Variants in FBXL7 observed in about 807,000 individuals in gnomAD.
FBXL7 encodes the protein F-box and leucine rich repeat protein 7.
A neutral mutation model predicts 38.3 loss-of-function variants in FBXL7; 12 were observed. That is an observed-to-expected ratio of 0.31 (90% CI 0.20 to 0.51). FBXL7 has a LOEUF of 0.51. Ranked by LOEUF, FBXL7 falls within the 20% of genes least tolerant of loss-of-function variation. The pLI is 0.98. For synonymous variants in FBXL7, 297 were observed against 300.9 expected, an observed-to-expected ratio of 0.99 and a Z score of 0.13; for missense variants, 567 against 676.4, an observed-to-expected ratio of 0.84 and a Z score of 1.79.
chr5:15,539,111 C>G (rs1366693338), intron 1 of FBXL7, among the ~76,000 whole-genome samples: 1 of 152,206 alleles, frequency 6.6e-6, no homozygotes, highest in Non-Finnish European at 1.5e-5. Flanking sequence ...TTTTTCTGCT[C>G]ACTTATTTTA....
chr5:15,501,383 T>C (rs1580339743), intron 1 of FBXL7: 8 of 974,368 alleles, frequency 8.2e-6, no homozygotes, highest in Middle Eastern at 5.3e-4. Context: ...CCTAAAAGGA[T>C]GATGGATGTC....
chr5:15,929,837 A>C (rs1287273350), intron 3 of FBXL7, among the ~76,000 whole-genome samples: 2 of 152,092 alleles, frequency 1.3e-5, no homozygotes, highest in South Asian at 4.2e-4. Flanking sequence ...TGCATCAGGG[A>C]CTTAAAACCA....
In FBXL7 at chr5:15,657,615, C is replaced by A. The variant is rs193099973; in HGVS notation, c.127+41543C>A. Among the ~76,000 whole-genome samples, 23 of 152,186 alleles carry A rather than the reference C, an allele frequency of 1.5e-4. No individual in the cohort carries two copies. In the South Asian group the frequency reaches 2.5e-3, roughly 17 times the overall value. On this transcript the variant is annotated intron_variant, in intron 2 of 3. Transcript: ENST00000504595. ...TTGGGAGGCCAAGACAGGTGGATCA[C>A]CTGAGCTCATGAGTTCGAGACCAGC...
intron 2 of FBXL7, among the ~76,000 whole-genome samples, chr5:15,637,762 G>A (rs1477168186): frequency 6.6e-6 from 1 of 152,200 alleles, no homozygotes; most frequent in African/African-American, 2.4e-5. Flanking sequence ...AGTTAAAAGT[G>A]CCTTTTACTA....
intron 2 of FBXL7, among the ~76,000 whole-genome samples, chr5:15,882,515 A>G (rs1222570524): frequency 2.0e-5 from 3 of 152,188 alleles, no homozygotes; most frequent in Non-Finnish European, 4.4e-5. Context: ...TCTGTTCACA[A>G]TGACTAGGAA....
intron 2 of FBXL7, among the ~76,000 whole-genome samples, chr5:15,803,308 C>T (rs968072783): frequency 6.6e-6 from 1 of 152,242 alleles, no homozygotes; most frequent in South Asian, 2.1e-4. Context: ...AGTTTACCCA[C>T]ATCACTCTGT....
chr5:15,675,212 A>G (rs917531991), intron 2 of FBXL7, among the ~76,000 whole-genome samples: 1 of 152,216 alleles, frequency 6.6e-6, no homozygotes. Flanking sequence ...ATTAATTGAA[A>G]GTATTTTTGC....
chr5:15,845,958 C>G (rs143011692), intron 2 of FBXL7, among the ~76,000 whole-genome samples: 1 of 152,106 alleles, frequency 6.6e-6, no homozygotes, highest in Non-Finnish European at 1.5e-5. Flanking sequence ...GGCAACAGAG[C>G]GAGACTCCGT....
chr5:15,542,832 AT>A (rs1737793596), intron 1 of FBXL7, among the ~76,000 whole-genome samples: 1 of 152,202 alleles, frequency 6.6e-6, no homozygotes, highest in Admixed American at 6.5e-5. Context: ...CCTGTTTTAT[AT>A]TGATGTCCCT....
chr5:15,845,454 C>T (rs1312691479), intron 2 of FBXL7, among the ~76,000 whole-genome samples: 4 of 151,536 alleles, frequency 2.6e-5, no homozygotes, highest in Non-Finnish European at 5.9e-5. Flanking sequence ...ACTTTTACCT[C>T]CTCTTACAAG....
intron 2 of FBXL7, among the ~76,000 whole-genome samples, chr5:15,632,193 G>T (rs1352468230): frequency 2.0e-5 from 3 of 152,106 alleles, no homozygotes. Context: ...GATATAATAT[G>T]TTTTGTTTCT....
At chr5:15,640,831 G>C (rs1741343393) in intron 2 of FBXL7, among the ~76,000 whole-genome samples, 1 of 152,138 alleles carries the variant, frequency 6.6e-6, no homozygotes, top group Non-Finnish European at 1.5e-5. Context: ...GCCGGGGTGA[G>C]GGCTTTAACA....
chr5:15,709,348 A>C (rs1352372488), intron 2 of FBXL7, among the ~76,000 whole-genome samples: 1 of 152,094 alleles, frequency 6.6e-6, no homozygotes, highest in Non-Finnish European at 1.5e-5. Context: ...AGCCTGGCCA[A>C]CATGGTACAA....
At position 15,913,254 on chromosome 5, in the gene FBXL7, TG is replaced by T. The variant is rs1386410179; in HGVS notation, c.128-14635del. ...GATCATATTTTCTTTTTTTTTTTAA[TG>T]TTTTTTTTTATTAATTTTTTTTTTT... On this transcript the variant is annotated intron_variant, in intron 2 of 3. Transcript: ENST00000504595. 6.5e-4 allele frequency among the ~76,000 whole-genome samples: 80 copies of T among 123,806 alleles called. 1 individual carries two copies. The highest frequency in any genetic ancestry group is 3.6e-3 in the East Asian group (15 of 4,150). The allele number at this position is 123,806 out of a possible 152,430, so 81.2% of individuals were successfully genotyped here.
chr5:15,624,024 T>C (rs1252135678), intron 2 of FBXL7, among the ~76,000 whole-genome samples: 2 of 152,218 alleles, frequency 1.3e-5, no homozygotes, highest in African/African-American at 4.8e-5. Context: ...ATGCTAATCA[T>C]TTTTCTAAGT....
At chr5:15,605,102 A>G (rs1251230185) in intron 1 of FBXL7, among the ~76,000 whole-genome samples, 2 of 152,164 alleles carry the variant, frequency 1.3e-5, no homozygotes, top group Non-Finnish European at 2.9e-5. Flanking sequence ...CTCTCTGCCT[A>G]TCCTGGGGCT....
At chr5:15,617,741 A>C (rs1351921120) in intron 2 of FBXL7, among the ~76,000 whole-genome samples, 1 of 152,140 alleles carries the variant, frequency 6.6e-6, no homozygotes, top group Non-Finnish European at 1.5e-5. Context: ...TCCCGACCTG[A>C]CATTTACTTT....
In FBXL7 at chr5:15,717,749, G is replaced by C. The variant is rs1744082318; in HGVS notation, c.127+101677G>C. ...TGTGAGAATCAAACACACAACTTCA[G>C]ATGGGGGAACTTTATACAAAATAAT... is the stretch of plus-strand genomic sequence containing the variant. On this transcript the variant is annotated intron_variant, in intron 2 of 3. Coordinates refer to ENST00000504595, the MANE Select transcript of FBXL7 (RefSeq NM_012304.5). 1.3e-5 allele frequency among the ~76,000 whole-genome samples: 2 copies of C among 152,160 alleles called. 1 individual carries two copies. Among genetic ancestry groups the C allele is most frequent in the South Asian group, 4.1e-4 (2 of 4,824 alleles).
chr5:15,522,244 T>C (rs1737116422), intron 1 of FBXL7, among the ~76,000 whole-genome samples: 1 of 152,176 alleles, frequency 6.6e-6, no homozygotes, highest in African/African-American at 2.4e-5. Context: ...TCCCTTTTCC[T>C]TATCCTCCCT....
Sources: allele counts gnomAD v4.1 joint callset (sites outside exome capture counted in the v4.1 genomes callset), GRCh38; gene constraint gnomAD v4.1.1; transcripts MANE v1.5; gene names NCBI Gene and HGNC (gene_info 2026-07-23, HGNC 2026-07-21).